The following QSER1 variants were observed in gnomAD, a reference collection of about 807,000 sequenced individuals.
QSER1 encodes glutamine and serine rich 1, also known as glutamine and serine-rich protein 1.
Under a neutral mutation model 158.5 loss-of-function variants are expected in QSER1, and 49 were observed. The observed-to-expected ratio is 0.31, with a 90% confidence interval of 0.25 to 0.39. The LOEUF (loss-of-function observed/expected upper bound fraction) is 0.39, where lower values mean the gene tolerates loss of function less well. Among genes scored for constraint, QSER1 ranks in the 10% least tolerant of loss-of-function variants. The pLI is 1.00. For synonymous variants in QSER1, 650 were observed against 715.5 expected (o/e 0.91, Z 1.46); for missense variants, 1,754 against 2,010.3 (o/e 0.87, Z 2.44).
intron 1 of QSER1, among the ~76,000 whole-genome samples, chr11:32,900,732 A>C (rs1426168683): frequency 2.6e-5 from 4 of 152,146 alleles, no homozygotes; most frequent in African/African-American, 9.7e-5. Flanking sequence ...GGACTTTTGC[A>C]CCGGCTATTC....
At chr11:32,965,539 A>G (rs1852724725) in intron 8 of QSER1, among the ~76,000 whole-genome samples, 1 of 152,220 alleles carries the variant, frequency 6.6e-6, no homozygotes, top group Non-Finnish European at 1.5e-5. Context: ...TACTAAACAG[A>G]GAAACCATCA....
At chr11:32,975,548 C>CTCT (rs1184338275) in intron 12 of QSER1, 29 of 1,418,086 alleles carry the variant, frequency 2.0e-5, no homozygotes, top group Non-Finnish European at 2.5e-5. Context: ...GCCTCACCAC[C>CTCT]TCTTGTAGGA....
chr11:32,934,057 A>T lies in QSER1; in HGVS notation c.2799A>T (p.Pro933=), dbSNP rs773550937. ...TGGACCTCTCTGAGTCTTCAAAACC[A>T]TTACAACAACATCTAACAACAAAGG... ...MKMDLSESSK[P]LQQHLTTKGH... The change falls in exon 4 of 13, where the codon CCA becomes CCT. Residue 933 remains proline, a synonymous_variant. Coordinates refer to ENST00000650167, the MANE Select transcript of QSER1 (RefSeq NM_001076786.3). 6.2e-7 allele frequency: 1 copy of T among 1,613,946 alleles called. No individual in the cohort carries two copies. The highest frequency in any genetic ancestry group is 1.1e-5 in the South Asian group (1 of 91,038).
At position 32,977,450 on chromosome 11, in the gene QSER1, A is replaced by G. The variant is rs190496822; in HGVS notation, c.*976A>G. 299 of 152,790 alleles carry G rather than the reference A, an allele frequency of 2.0e-3. 2 individuals are homozygous for G. The highest frequency in any genetic ancestry group is 7.1e-3 in the African/African-American group (294 of 41,600). The allele number at this position is 152,790 out of a possible 1,614,324, so 9.5% of individuals were successfully genotyped here. ...TGTTAGACACTGCAGTAATTTTCTA[A>G]TTCATAAAATAAACTTCTTACTAAA... On this transcript the variant is annotated 3_prime_UTR_variant, in exon 13 of 13. Transcript: ENST00000650167.
chr11:32,918,168 G>A (rs1051468812), intron 1 of QSER1, among the ~76,000 whole-genome samples: 8 of 152,058 alleles, frequency 5.3e-5, no homozygotes, highest in African/African-American at 1.9e-4. Context: ...CTGTACATGG[G>A]TTGTAATTAT....
chr11:32,957,109 GTTTTTCTTTTTTTTCTTTTTTTTTCT>G (rs1852527695), intron 7 of QSER1, among the ~76,000 whole-genome samples: 1 of 144,364 alleles, frequency 6.9e-6, no homozygotes, highest in Non-Finnish European at 1.5e-5. Flanking sequence ...ATGCATTTGG[GTTTTTCTTTTTTTTCTTTTTTTTTCT>G]TTTTTTTTTT....
chr11:32,953,142 C>T (rs1423497475), intron 4 of QSER1, among the ~76,000 whole-genome samples: 2 of 151,666 alleles, frequency 1.3e-5, no homozygotes, highest in Non-Finnish European at 2.9e-5. Context: ...GGAATTTATC[C>T]ATTTCATCTT....
At chr11:32,945,646 CTT>C (rs1852318743) in intron 4 of QSER1, among the ~76,000 whole-genome samples, 2 of 151,114 alleles carry the variant, frequency 1.3e-5, no homozygotes, top group Non-Finnish European at 3.0e-5. Flanking sequence ...GTAACCCGAC[CTT>C]TCTCTCTGGC....
In QSER1 at chr11:32,934,969, T is replaced by C. The variant is rs1008051321; in HGVS notation, c.3711T>C (p.Asp1237=). ...AACGCCAGAATCCAAGGGGAACAGA[T>C]ATTTACTTACCGTATACTCCTCCTT... ...QGKRQNPRGT[D]IYLPYTPPSS... Residue 1237 remains aspartate (D), a synonymous_variant, in exon 4 of 13, where the codon GAT becomes GAC. Transcript: ENST00000650167. The C allele has an allele frequency of 7.4e-6, 12 of 1,613,986 alleles. No homozygotes were observed. The Admixed American group carries it at 8.3e-5, about 11-fold the overall frequency.
intron 1 of QSER1, among the ~76,000 whole-genome samples, chr11:32,915,044 C>G (rs1851815121): frequency 6.6e-6 from 1 of 152,102 alleles, no homozygotes; most frequent in Non-Finnish European, 1.5e-5. Flanking sequence ...CTTAGCCCCC[C>G]TGAGTAGCTT....
chr11:32,930,404 A>G (rs567343817), intron 3 of QSER1, among the ~76,000 whole-genome samples: 1 of 152,344 alleles, frequency 6.6e-6, no homozygotes, highest in Non-Finnish European at 1.5e-5. Context: ...CTTTGTAGTA[A>G]TAATTCTTTT....
At chr11:32,924,776 T>C (rs1293994506) in intron 1 of QSER1, among the ~76,000 whole-genome samples, 1 of 151,792 alleles carries the variant, frequency 6.6e-6, no homozygotes. Context: ...AGGGGGTACA[T>C]GTGCAGGTTT....
intron 1 of QSER1, among the ~76,000 whole-genome samples, chr11:32,903,293 A>G (rs1851647966): frequency 1.3e-5 from 2 of 151,556 alleles, no homozygotes; most frequent in Non-Finnish European, 2.9e-5. Context: ...TATTCTAGAC[A>G]CTATTCTGGG....
chr11:32,961,283 G>GAT (rs1217799124), intron 8 of QSER1, among the ~76,000 whole-genome samples: 1 of 152,128 alleles, frequency 6.6e-6, no homozygotes, highest in African/African-American at 2.4e-5. Context: ...AGATACTCCT[G>GAT]ATACTGACAA....
At chr11:32,967,033 C>T (rs914972442) in intron 9 of QSER1, among the ~76,000 whole-genome samples, 3 of 151,980 alleles carry the variant, frequency 2.0e-5, no homozygotes, top group Non-Finnish European at 4.4e-5. Context: ...TAAATAATAC[C>T]CAAGAGACAC....
chr11:32,906,617 T>A (rs1340292017), intron 1 of QSER1, among the ~76,000 whole-genome samples: 1 of 151,966 alleles, frequency 6.6e-6, no homozygotes, highest in Non-Finnish European at 1.5e-5. Context: ...TCTTGCTATT[T>A]TCTCAGGGTG....
Position 32,932,178 on chromosome 11 carries a change from T to C in QSER1, c.920T>C (p.Ile307Thr), listed in dbSNP as rs367787862. Reference protein sequence around the residue: ...STLFTSSTASIERALLRECSV... With the variant: ...STLFTSSTASTERALLRECSV... ...CTCTTTACTAGTTCTACTGCTTCCA[T>C]TGAAAGAGCTCTTCTTCGAGAATGT... Residue 307 changes from isoleucine (I) to threonine (T), a missense_variant, in exon 4 of 13, where the codon ATT becomes ACT. By Grantham distance (89) the Ile-to-Thr change is moderately conservative (BLOSUM62 -1). Coordinates refer to ENST00000650167, the MANE Select transcript of QSER1 (RefSeq NM_001076786.3). 4.2e-5 allele frequency: 68 copies of C among 1,614,090 alleles called. No homozygotes were observed. The African/African-American group carries it at 4.5e-4, about 11-fold the overall frequency.
At chr11:32,899,357 G>T (rs1023263999) in intron 1 of QSER1, among the ~76,000 whole-genome samples, 1 of 152,144 alleles carries the variant, frequency 6.6e-6, no homozygotes, top group Admixed American at 6.5e-5. Context: ...GGGTAAGTTT[G>T]TGATTATCTT....
intron 9 of QSER1, among the ~76,000 whole-genome samples, chr11:32,968,683 TGGA>T (rs1212380674): frequency 1.3e-5 from 2 of 152,240 alleles, no homozygotes; most frequent in African/African-American, 4.8e-5. Flanking sequence ...AAATGAGGTC[TGGA>T]GGAATTAGGC....
Sources: allele counts gnomAD v4.1 joint callset (sites outside exome capture counted in the v4.1 genomes callset), GRCh38; gene constraint gnomAD v4.1.1; transcripts MANE v1.5; gene names NCBI Gene and HGNC (gene_info 2026-07-23, HGNC 2026-07-21).